SCAPER: variants seen among roughly 807,000 people sequenced by gnomAD.
The protein encoded by SCAPER is S phase cyclin A-associated protein in the endoplasmic reticulum.
In SCAPER, 98 loss-of-function variants were observed where a neutral mutation model predicts 182.2. The ratio of observed to expected loss-of-function variants is 0.54; its 90% CI spans 0.46 to 0.64. The LOEUF (loss-of-function observed/expected upper bound fraction) is 0.64, where lower values mean the gene tolerates loss of function less well. Among genes scored for constraint, SCAPER ranks in the 30% least tolerant of loss-of-function variants. SCAPER has a pLI of 0.00. For synonymous variants in SCAPER, 605 were observed against 564.6 expected (o/e 1.07, Z -1.01); for missense variants, 1,432 against 1,690.0 (o/e 0.85, Z 2.68).
rs532825577 is a variant in SCAPER at position 76,454,147 on chromosome 15, A to C, written c.3078+17065T>G. On this transcript the variant is annotated intron_variant, in intron 25 of 31. Transcript: ENST00000563290. Reference sequence around the variant, plus strand: ...CCCCCTTCCTTTCACTTGGGTTATAAATTTTGCTAAGGATGTTTTTTTTTC... The same window carrying C: ...CCCCCTTCCTTTCACTTGGGTTATACATTTTGCTAAGGATGTTTTTTTTTC... Among the ~76,000 whole-genome samples, 64 of 152,204 alleles carry C rather than the reference A, an allele frequency of 4.2e-4. No individual in the cohort carries two copies. In the South Asian group the frequency reaches 0.013, roughly 31 times the overall value.
intron 25 of SCAPER, among the ~76,000 whole-genome samples, chr15:76,438,023 C>G (rs1157963883): frequency 6.6e-6 from 1 of 152,162 alleles, no homozygotes; most frequent in African/African-American, 2.4e-5. Flanking sequence ...TGGCTCACGC[C>G]TGTAATCCCA....
At chr15:76,423,210 G>A (rs1208320360) in intron 26 of SCAPER, among the ~76,000 whole-genome samples, 1 of 152,170 alleles carries the variant, frequency 6.6e-6, no homozygotes, top group Admixed American at 6.5e-5. Context: ...TGCTCTCCTT[G>A]TACCTCTGGT....
chr15:76,780,072 G>T (rs767690392), intron 8 of SCAPER, among the ~76,000 whole-genome samples: 2 of 152,216 alleles, frequency 1.3e-5, no homozygotes, highest in African/African-American at 2.4e-5. Flanking sequence ...GCAGGGCTGG[G>T]TGCCGCCTCA....
chr15:76,484,743 G>A (rs1173436441), intron 24 of SCAPER, among the ~76,000 whole-genome samples: 1 of 152,066 alleles, frequency 6.6e-6, no homozygotes, highest in East Asian at 1.9e-4. Context: ...AGGATGCAAG[G>A]TTGGCTCAAC....
intron 29 of SCAPER, among the ~76,000 whole-genome samples, chr15:76,368,040 C>T (rs1341058874): frequency 1.3e-5 from 2 of 152,132 alleles, no homozygotes; most frequent in Admixed American, 6.5e-5. Context: ...ATGAAAGGAA[C>T]GTATCTGTCA....
At chr15:76,407,970 T>C (rs542081495) in intron 26 of SCAPER, among the ~76,000 whole-genome samples, 1 of 152,100 alleles carries the variant, frequency 6.6e-6, no homozygotes, top group Non-Finnish European at 1.5e-5. Flanking sequence ...CTAAAAAAAA[T>C]CACTTAAAAA....
At chr15:76,390,550 C>T (rs1439838262) in intron 27 of SCAPER, among the ~76,000 whole-genome samples, 1 of 152,116 alleles carries the variant, frequency 6.6e-6, no homozygotes, top group Non-Finnish European at 1.5e-5. Flanking sequence ...AGTGAGGAGC[C>T]TATGAGGTGA....
intron 31 of SCAPER, chr15:76,350,716 T>G (rs527555066): frequency 6.6e-6 from 1 of 152,382 alleles, no homozygotes; most frequent in African/African-American, 2.4e-5. Flanking sequence ...AAACAACTTG[T>G]AAATCTTTTG....
At chr15:76,763,976 G>C (rs2062954565) in intron 14 of SCAPER, among the ~76,000 whole-genome samples, 1 of 151,172 alleles carries the variant, frequency 6.6e-6, no homozygotes, top group South Asian at 2.1e-4. Flanking sequence ...GTTGCTTGCT[G>C]GATATTTATT....
At chr15:76,672,880 G>A (rs889989343) in intron 20 of SCAPER, among the ~76,000 whole-genome samples, 1 of 151,864 alleles carries the variant, frequency 6.6e-6, no homozygotes, top group Non-Finnish European at 1.5e-5. Flanking sequence ...CAATACACTC[G>A]AAAATACTGA....
At chr15:76,749,913 TAAA>T (rs2061994868) in intron 15 of SCAPER, among the ~76,000 whole-genome samples, 1 of 151,826 alleles carries the variant, frequency 6.6e-6, no homozygotes, top group Non-Finnish European at 1.5e-5. Context: ...ACAAAGGATC[TAAA>T]ATAGCCAAAA....
At chr15:76,411,113 C>T (rs969423172) in intron 26 of SCAPER, among the ~76,000 whole-genome samples, 2 of 152,148 alleles carry the variant, frequency 1.3e-5, no homozygotes, top group Non-Finnish European at 2.9e-5. Flanking sequence ...CCAATCCTTT[C>T]CTATCTCCAT....
intron 24 of SCAPER, among the ~76,000 whole-genome samples, chr15:76,497,180 G>A (rs890607787): frequency 2.1e-5 from 3 of 140,212 alleles, no homozygotes; most frequent in African/African-American, 7.9e-5. Flanking sequence ...GTCCTGTAAT[G>A]GCCATCCCAG....
intron 22 of SCAPER, among the ~76,000 whole-genome samples, chr15:76,604,582 T>G (rs1262617558): frequency 3.1e-5 from 2 of 65,012 alleles, no homozygotes; most frequent in Non-Finnish European, 1.1e-4. Context: ...GGTAGCTTGA[T>G]GGGGATGGCA....
intron 5 of SCAPER, among the ~76,000 whole-genome samples, chr15:76,821,356 C>T (rs1216660644): frequency 1.3e-5 from 2 of 152,244 alleles, no homozygotes; most frequent in East Asian, 1.9e-4. Context: ...AGGTGGCTCA[C>T]GCCTATAATC....
intron 21 of SCAPER, among the ~76,000 whole-genome samples, chr15:76,648,352 T>A (rs1241370698): frequency 6.6e-6 from 1 of 151,986 alleles, no homozygotes; most frequent in East Asian, 1.9e-4. Context: ...CACAGAACTA[T>A]CTAAACTAGA....
chr15:76,610,401 AC>A (rs1165445371), intron 22 of SCAPER, among the ~76,000 whole-genome samples: 4 of 152,242 alleles, frequency 2.6e-5, no homozygotes, highest in Admixed American at 2.6e-4. Flanking sequence ...GCCTACTATC[AC>A]CACTGCTATT....
chr15:76,500,259 C>A (rs558241727), intron 24 of SCAPER, among the ~76,000 whole-genome samples: 2 of 152,158 alleles, frequency 1.3e-5, no homozygotes, highest in African/African-American at 2.4e-5. Flanking sequence ...TCCACAGGGA[C>A]GATGAAGAGA....
At chr15:76,859,180 T>C (rs1425694950) in intron 3 of SCAPER, among the ~76,000 whole-genome samples, 3 of 152,232 alleles carry the variant, frequency 2.0e-5, no homozygotes, top group African/African-American at 4.8e-5. Context: ...ATAATTTTCC[T>C]TTCTGCAAAG....
Sources: gnomAD v4.1 joint callset for allele counts (sites outside exome capture counted in the v4.1 genomes callset) on GRCh38, gnomAD v4.1.1 for gene constraint, MANE v1.5 for transcripts, NCBI Gene and HGNC (gene_info 2026-07-23, HGNC 2026-07-21) for gene names.